The following PJA2 variants were observed in gnomAD, a reference collection of about 807,000 sequenced individuals.
The protein encoded by PJA2 is E3 ubiquitin-protein ligase Praja-2.
A neutral mutation model predicts 69.3 loss-of-function variants in PJA2; 25 were observed. The observed-to-expected ratio is 0.36, with a 90% CI of 0.26 to 0.50. PJA2 has a LOEUF of 0.50. Among genes scored for constraint, PJA2 ranks in the 20% least tolerant of loss-of-function variants. The pLI is 0.96. For synonymous variants in PJA2, 308 were observed against 277.8 expected, an observed-to-expected ratio of 1.11 and a Z score of -1.08; for missense variants, 809 against 830.2, an observed-to-expected ratio of 0.97 and a Z score of 0.31.
At chr5:109,337,639 A>G (rs142940211) in intron 9 of PJA2, among the ~76,000 whole-genome samples, 2 of 152,288 alleles carry the variant, frequency 1.3e-5, no homozygotes, top group African/African-American at 4.8e-5. Context: ...AAGAGCTGCT[A>G]AACTCAGCAG....
chr5:109,342,055 G>GA (rs1762076483), intron 9 of PJA2, among the ~76,000 whole-genome samples: 1 of 129,752 alleles, frequency 7.7e-6, no homozygotes, highest in South Asian at 2.4e-4. Context: ...GAGGTGGGGG[G>GA]GTCAGCCCTC....
chr5:109,397,776 G>A lies in PJA2; in HGVS notation c.-88+12066C>T, dbSNP rs1230602010. Reference sequence around the variant, plus strand: ...TGATCTCAAATGATCCACCCAGCGTGGCCTCTCAAAATGCTGGGATTACAG... The same window carrying A: ...TGATCTCAAATGATCCACCCAGCGTAGCCTCTCAAAATGCTGGGATTACAG... On this transcript the variant is annotated intron_variant, in intron 1 of 9. Coordinates refer to ENST00000361189, the MANE Select transcript of PJA2 (RefSeq NM_014819.5). 3.9e-5 allele frequency among the ~76,000 whole-genome samples: 6 copies of A among 152,072 alleles called. No homozygotes were observed. In the East Asian group the frequency reaches 9.7e-4, roughly 25 times the overall value.
intron 4 of PJA2, among the ~76,000 whole-genome samples, chr5:109,370,849 A>T (rs904935309): frequency 5.3e-5 from 8 of 151,862 alleles, no homozygotes; most frequent in African/African-American, 1.9e-4. Flanking sequence ...CTCAGTTTTT[A>T]AAAAAAAATT....
intron 9 of PJA2, among the ~76,000 whole-genome samples, chr5:109,342,196 TG>T (rs1303537282): frequency 0.027 from 491 of 18,512 alleles, no homozygotes; most frequent in Admixed American, 0.038. Context: ...GGGAGGGAGG[TG>T]GGGGGGGGTC....
chr5:109,360,676 T>C lies in PJA2; in HGVS notation c.1652+2164A>G, dbSNP rs114216265. On this transcript the variant is annotated intron_variant, in intron 6 of 9. Coordinates refer to ENST00000361189, the MANE Select transcript of PJA2 (RefSeq NM_014819.5). ...TTCAAAATTTGTGTCTTAAAATTAA[T>C]GCTAAAATGTTTTCTATAATTTAAA... Among the ~76,000 whole-genome samples the C allele has an allele frequency of 6.9e-3, 1,057 of 152,314 alleles. 11 individuals are homozygous for C. The highest frequency in any genetic ancestry group is 0.024 in the African/African-American group (995 of 41,552).
intron 6 of PJA2, among the ~76,000 whole-genome samples, chr5:109,360,237 A>G (rs1762484805): frequency 6.6e-6 from 1 of 152,220 alleles, no homozygotes; most frequent in Non-Finnish European, 1.5e-5. Flanking sequence ...AGGAGTTATC[A>G]AAGAATAAAC....
chr5:109,349,550 A>T (rs79073756), intron 7 of PJA2, among the ~76,000 whole-genome samples: 1 of 152,180 alleles, frequency 6.6e-6, no homozygotes, highest in Non-Finnish European at 1.5e-5. Context: ...CAGCACTTCC[A>T]GTTAGAAACC....
chr5:109,372,129 C>T (rs1159911405), intron 4 of PJA2, among the ~76,000 whole-genome samples: 1 of 152,066 alleles, frequency 6.6e-6, no homozygotes, highest in Non-Finnish European at 1.5e-5. Flanking sequence ...TTCTTAATTT[C>T]CATTAACATA....
At chr5:109,348,480 T>A (rs1401131002) in intron 7 of PJA2, among the ~76,000 whole-genome samples, 1 of 152,222 alleles carries the variant, frequency 6.6e-6, no homozygotes, top group Non-Finnish European at 1.5e-5. Context: ...AATGAAGACA[T>A]CTGACTGAAC....
At chr5:109,367,143 A>AAT (rs1554054261) in intron 5 of PJA2, among the ~76,000 whole-genome samples, 4,152 of 143,072 alleles carry the variant, frequency 0.029, 109 homozygotes, top group African/African-American at 0.046. Context: ...CAAAAAAAAA[A>AAT]ATATATATAT....
rs187533434 is a variant in PJA2 at position 109,393,979 on chromosome 5, C to A, written c.-87-10459G>T. ...TTCTGGAGAGGAGGATGACAAAATG[C>A]TGAAGACAAAAAGAATAAGGTATTA... On this transcript the variant is annotated intron_variant, in intron 1 of 9. Transcript: ENST00000361189. Among the ~76,000 whole-genome samples, 7 of 149,862 alleles carry A rather than the reference C, an allele frequency of 4.7e-5. No homozygotes were observed. The East Asian group carries it at 1.4e-3, about 29-fold the overall frequency.
intron 9 of PJA2, among the ~76,000 whole-genome samples, chr5:109,340,425 A>AG (rs1376030270): frequency 1.3e-5 from 2 of 151,844 alleles, no homozygotes; most frequent in African/African-American, 4.8e-5. Flanking sequence ...AAAGGGAAGG[A>AG]GAAAAAAAGC....
chr5:109,387,785 A>C (rs1206183041), intron 1 of PJA2, among the ~76,000 whole-genome samples: 3 of 151,562 alleles, frequency 2.0e-5, no homozygotes, highest in African/African-American at 7.3e-5. Context: ...ATGGACATGT[A>C]AGGTACACTT....
At chr5:109,404,927 A>C (rs919864205) in intron 1 of PJA2, among the ~76,000 whole-genome samples, 14 of 152,228 alleles carry the variant, frequency 9.2e-5, no homozygotes, top group Non-Finnish European at 1.6e-4. Context: ...ATTCAACATC[A>C]TAATGGAGGT....
At chr5:109,339,372 A>G (rs1273324921) in intron 9 of PJA2, among the ~76,000 whole-genome samples, 1 of 152,228 alleles carries the variant, frequency 6.6e-6, no homozygotes, top group East Asian at 1.9e-4. Context: ...ATATCCTAAA[A>G]GCCCTGACTT....
At chr5:109,354,366 G>T (rs929034902) in intron 7 of PJA2, among the ~76,000 whole-genome samples, 23 of 133,992 alleles carry the variant, frequency 1.7e-4, no homozygotes, top group African/African-American at 6.5e-4. Context: ...TCTATATCTA[G>T]AGATATCTAT....
At chr5:109,339,863 G>C (rs1762012089) in intron 9 of PJA2, among the ~76,000 whole-genome samples, 1 of 152,208 alleles carries the variant, frequency 6.6e-6, no homozygotes, top group Non-Finnish European at 1.5e-5. Context: ...CATCTAGGCT[G>C]TATTAACAAA....
intron 4 of PJA2, among the ~76,000 whole-genome samples, chr5:109,377,601 A>C (rs1746923205): frequency 6.6e-6 from 1 of 152,180 alleles, no homozygotes; most frequent in Non-Finnish European, 1.5e-5. Context: ...CTCTACCATT[A>C]AGTTGCTCTG....
intron 5 of PJA2, among the ~76,000 whole-genome samples, chr5:109,367,202 T>G (rs937619246): frequency 6.7e-6 from 1 of 149,316 alleles, no homozygotes; most frequent in Non-Finnish European, 1.5e-5. Context: ...ATCTCTCTCA[T>G]GAAGAGGAAA....
Sources: allele counts gnomAD v4.1 joint callset (sites outside exome capture counted in the v4.1 genomes callset), GRCh38; gene constraint gnomAD v4.1.1; transcripts MANE v1.5; gene names NCBI Gene and HGNC (gene_info 2026-07-23, HGNC 2026-07-21).